Variants in SCN11A observed in about 807,000 individuals in gnomAD.
SCN11A encodes the protein sodium voltage-gated channel alpha subunit 11.
SCN11A carries 122 observed loss-of-function variants against 162.2 expected under a neutral mutation model. The ratio of observed to expected loss-of-function variants is 0.75; its 90% CI spans 0.65 to 0.87. The LOEUF is 0.87. Ranked by LOEUF, SCN11A falls within the 40% of genes least tolerant of loss-of-function variation. SCN11A has a pLI of 0.00. For synonymous variants in SCN11A, 758 were observed against 751.5 expected, an observed-to-expected ratio of 1.01 and a Z score of -0.14; for missense variants, 2,015 against 2,181.6, an observed-to-expected ratio of 0.92 and a Z score of 1.52.
In SCN11A at chr3:38,871,506, C is replaced by A; in HGVS notation, c.3698G>T (p.Trp1233Leu). The change falls in exon 25 of 30, where the codon TGG (tryptophan) becomes TTG (leucine). Residue 1233 changes from tryptophan (W) to leucine (L), a missense_variant. Transcript: ENST00000302328. ...GTCAAAGTTGACTTTCTGGTTGATC[C>A]AAGAGAAATTGCCACTTTCACATTG... ...KSQCESGNFS[W>L]INQKVNFDNV... 6.2e-7 allele frequency: 1 copy of A among 1,613,050 alleles called. No individual in the cohort carries two copies. Among genetic ancestry groups the A allele is most frequent in the South Asian group, 1.1e-5 (1 of 90,920 alleles).
intron 7 of SCN11A, among the ~76,000 whole-genome samples, chr3:38,935,345 A>C (rs2066313117): frequency 6.6e-6 from 1 of 152,180 alleles, no homozygotes; most frequent in African/African-American, 2.4e-5. Flanking sequence ...ACACATTCAA[A>C]AGCTAGCAGA....
chr3:39,006,690 A>G (rs967151745), intron 2 of SCN11A, among the ~76,000 whole-genome samples: 1 of 152,096 alleles, frequency 6.6e-6, no homozygotes, highest in Non-Finnish European at 1.5e-5. Context: ...AATCCCTAGG[A>G]CTTTAGGAGG....
At chr3:38,902,627 C>A (rs1429317071) in intron 16 of SCN11A, among the ~76,000 whole-genome samples, 2 of 151,948 alleles carry the variant, frequency 1.3e-5, no homozygotes, top group African/African-American at 4.8e-5. Context: ...ACACCATTCT[C>A]CAGCCTCAGC....
intron 2 of SCN11A, among the ~76,000 whole-genome samples, chr3:39,027,622 C>T (rs1190870604): frequency 6.6e-6 from 1 of 152,192 alleles, no homozygotes; most frequent in African/African-American, 2.4e-5. Flanking sequence ...ATCACTGCCC[C>T]TATCCCTTAA....
At chr3:38,933,568 G>A (rs1190390572) in intron 7 of SCN11A, among the ~76,000 whole-genome samples, 2 of 152,196 alleles carry the variant, frequency 1.3e-5, no homozygotes, top group African/African-American at 2.4e-5. Flanking sequence ...CGAGAACTAC[G>A]TGAAGAATTC....
chr3:38,941,751 A>G (rs2066445683), intron 7 of SCN11A, among the ~76,000 whole-genome samples: 1 of 152,136 alleles, frequency 6.6e-6, no homozygotes, highest in African/African-American at 2.4e-5. Flanking sequence ...CACAAAAGGA[A>G]GCAGGAATGG....
chr3:38,944,988 G>C (rs1367554299), intron 7 of SCN11A, among the ~76,000 whole-genome samples: 1 of 151,968 alleles, frequency 6.6e-6, no homozygotes, highest in Non-Finnish European at 1.5e-5. Flanking sequence ...AATAAAAAAA[G>C]AATAGCTTTA....
intron 11 of SCN11A, among the ~76,000 whole-genome samples, chr3:38,917,023 T>A (rs765931631): frequency 6.6e-6 from 1 of 152,162 alleles, no homozygotes; most frequent in South Asian, 2.1e-4. Flanking sequence ...CTGAGAGAGA[T>A]GTGCTGGCAC....
At chr3:39,049,094 C>T (rs1432055881) in intron 1 of SCN11A, among the ~76,000 whole-genome samples, 5 of 152,208 alleles carry the variant, frequency 3.3e-5, no homozygotes, top group Non-Finnish European at 7.3e-5. Flanking sequence ...TAAACCATTG[C>T]ATTTTGCAGA....
chr3:38,928,807 A>T lies in SCN11A; in HGVS notation c.489-1876T>A, dbSNP rs183236421. Among the ~76,000 whole-genome samples, 5 of 152,326 alleles carry T rather than the reference A, an allele frequency of 3.3e-5. No individual in the cohort carries two copies. The East Asian group carries it at 9.7e-4, about 29-fold the overall frequency. On this transcript the variant is annotated intron_variant, in intron 7 of 29. Coordinates refer to ENST00000302328, the MANE Select transcript of SCN11A (RefSeq NM_001349253.2). Reference sequence around the variant, plus strand: ...ATAACAAGTGTTGATGAAGATGTGAAGAAATGGGAACACTTGTGCACTGTT... The same window carrying T: ...ATAACAAGTGTTGATGAAGATGTGATGAAATGGGAACACTTGTGCACTGTT...
At chr3:39,031,534 C>CAAAAAAAAA (rs71622553) in intron 2 of SCN11A, among the ~76,000 whole-genome samples, 1 of 121,940 alleles carries the variant, frequency 8.2e-6, no homozygotes, top group Admixed American at 8.1e-5. Flanking sequence ...AAACAAAAAA[C>CAAAAAAAAA]AAACAAACAA....
At chr3:38,910,319 A>C in intron 11 of SCN11A, 112 bp from the exon 12 acceptor site, 1 of 1,002,918 alleles carries the variant, frequency 1.0e-6, no homozygotes, top group Non-Finnish European at 1.5e-6. Context: ...CAGGAGCCCT[A>C]GAGGAAGGGA....
At position 38,991,134 on chromosome 3, in the gene SCN11A, T is replaced by C. The variant is rs553487803; in HGVS notation, c.-279-30711A>G. On this transcript the variant is annotated intron_variant, in intron 2 of 29. Coordinates refer to ENST00000302328, the MANE Select transcript of SCN11A (RefSeq NM_001349253.2). Reference sequence around the variant, plus strand: ...GGAGTGAAGTGAAAAAAGTATTTTATACTTTCTAAAAGTTAGAAAGTTTCA... The same window carrying C: ...GGAGTGAAGTGAAAAAAGTATTTTACACTTTCTAAAAGTTAGAAAGTTTCA... Among the ~76,000 whole-genome samples, 8 of 152,336 alleles carry C rather than the reference T, an allele frequency of 5.3e-5. No homozygotes were observed. The South Asian group carries it at 1.7e-3, about 32-fold the overall frequency.
chr3:38,976,442 C>T (rs1316194454), intron 2 of SCN11A, among the ~76,000 whole-genome samples: 1 of 152,100 alleles, frequency 6.6e-6, no homozygotes, highest in African/African-American at 2.4e-5. Context: ...ACAGTTAGAG[C>T]ATTCATAATC....
In SCN11A at chr3:38,847,707, T is replaced by C; in HGVS notation, c.4363A>G (p.Ile1455Val). The change falls in exon 30 of 30, where the codon ATT becomes GTT. Residue 1455 changes from isoleucine (I) to valine (V), a missense_variant. Ile to Val is a conservative substitution (Grantham distance 29, BLOSUM62 3). Coordinates refer to ENST00000302328, the MANE Select transcript of SCN11A (RefSeq NM_001349253.2). ...CTGAAGAGCGTCGGAGGGAAAGGAA[T>C]GTGCTCCTGATTTTCCAAGGTAGAA... is the stretch of plus-strand genomic sequence containing the variant. ...MISTLENQEH[I>V]PFPPTLFRIV... 1 of 1,601,962 alleles carries C rather than the reference T, an allele frequency of 6.2e-7. No individual in the cohort carries two copies. Among genetic ancestry groups the C allele is most frequent in the Non-Finnish European group, 8.5e-7 (1 of 1,174,424 alleles).
chr3:38,878,062 A>T lies in SCN11A; in HGVS notation c.3393+1888T>A, dbSNP rs547680595. 5.0e-4 allele frequency among the ~76,000 whole-genome samples: 76 copies of T among 151,902 alleles called. 1 individual carries two copies. Among genetic ancestry groups the T allele is most frequent in the African/African-American group, 1.8e-3 (75 of 41,480 alleles). The stretch of plus-strand genomic sequence containing the variant: ...AGGGATAAAAGACTACATTAGGTAC[A>T]GTGTACACTGATCGGGCGATGGGGC... On this transcript the variant is annotated intron_variant, in intron 23 of 29. Transcript: ENST00000302328.
intron 11 of SCN11A, among the ~76,000 whole-genome samples, chr3:38,915,612 T>A (rs140351657): frequency 1.4e-3 from 214 of 152,340 alleles, no homozygotes; most frequent in African/African-American, 5.0e-3. Flanking sequence ...TGCATGGTTT[T>A]AAGTGATTTT....
intron 7 of SCN11A, among the ~76,000 whole-genome samples, chr3:38,932,348 A>C (rs2066254404): frequency 6.6e-6 from 1 of 152,184 alleles, no homozygotes; most frequent in Admixed American, 6.5e-5. Flanking sequence ...TCATCTCACT[A>C]GGGAGTGCCA....
Position 38,886,143 on chromosome 3 carries a change from G to A in SCN11A, c.2931C>T (p.Thr977=), listed in dbSNP as rs531611388. 20 of 1,610,208 alleles carry A rather than the reference G, an allele frequency of 1.2e-5. No individual in the cohort carries two copies. In the East Asian group the frequency reaches 4.2e-4, roughly 34 times the overall value. ...AAATTACCTTTCGGGGATCCTGTAT[G>A]GTCAGATGAGGCTCATCTTCAGAGA... is the stretch of plus-strand genomic sequence containing the variant. ...DMFSEDEPHL[T]IQDPRKKSDV... is the part of the protein sequence containing the mutation. Residue 977 remains threonine (T), a synonymous_variant, in exon 20 of 30, where the codon ACC becomes ACT. Transcript: ENST00000302328.
Sources: allele counts gnomAD v4.1 joint callset (sites outside exome capture counted in the v4.1 genomes callset), GRCh38; gene constraint gnomAD v4.1.1; transcripts MANE v1.5; gene names NCBI Gene and HGNC (gene_info 2026-07-23, HGNC 2026-07-21).